Variants in MTERF1 observed in about 807,000 individuals in gnomAD.
MTERF1 encodes mitochondrial transcription termination factor 1, also known as transcription termination factor 1, mitochondrial.
In MTERF1, 29 loss-of-function variants were observed where a neutral mutation model predicts 31.6. The ratio of observed to expected loss-of-function variants is 0.92; its 90% CI spans 0.68 to 1.25. The LOEUF (loss-of-function observed/expected upper bound fraction) is 1.25. MTERF1 is among the 50% of genes most tolerant of loss of function. The pLI is 0.00. For synonymous variants in MTERF1, 152 were observed against 164.1 expected, an observed-to-expected ratio of 0.93 and a Z score of 0.57; for missense variants, 500 against 469.1, an observed-to-expected ratio of 1.07 and a Z score of -0.61.
chr7:91,876,124 T>C (rs570375066), intron 2 of MTERF1, among the ~76,000 whole-genome samples: 1 of 152,286 alleles, frequency 6.6e-6, no homozygotes, highest in Admixed American at 6.5e-5. Context: ...TCCTGATCAT[T>C]TGGAAATGGG....
rs1269653150 is a variant in MTERF1 at position 91,879,603 on chromosome 7, T to C, written c.29+452A>G. Among the ~76,000 whole-genome samples, 3 of 152,024 alleles carry C rather than the reference T, an allele frequency of 2.0e-5. No individual in the cohort carries two copies. In the East Asian group the frequency reaches 5.8e-4, roughly 29 times the overall value. ...CAAATTATCTTTATCTATTTTTCGG[T>C]TTCTAGTACCAAAAAAGTCACACTT... is the stretch of plus-strand genomic sequence containing the variant. On this transcript the variant is annotated intron_variant, in intron 2 of 2. Transcript: ENST00000351870.
At chr7:91,880,526 G>A (rs1029278752) in intron 1 of MTERF1, 131 bp downstream of exon 1, 14 of 190,876 alleles carry the variant, frequency 7.3e-5, no homozygotes, top group African/African-American at 3.1e-4. Context: ...ATTCCACACC[G>A]AAGGCTCTTT....
At position 91,874,118 on chromosome 7, in the gene MTERF1, C is replaced by T; in HGVS notation, c.676G>A (p.Gly226Ser). 3.7e-6 allele frequency: 6 copies of T among 1,614,014 alleles called. No homozygotes were observed. Among genetic ancestry groups the T allele is most frequent in the Non-Finnish European group, 2.5e-6 (3 of 1,179,990 alleles). The change falls in exon 3 of 3, where the codon GGT becomes AGT. Residue 226 changes from glycine (G) to serine (S), a missense_variant. Coordinates refer to ENST00000351870, the MANE Select transcript of MTERF1 (RefSeq NM_006980.5). ...ACAAAATCTGCGGGATCATTGTGAC[C>T]CAATGACAAACCGGCTGCCTGCAAA... is the stretch of plus-strand genomic sequence containing the variant. The part of the protein sequence containing the change: ...EFLQAAGLSL[G>S]HNDPADFVRK...
rs1789235708 is a variant in MTERF1, at chr7:91,873,504, T to C, written c.*90A>G. 1.5e-5 allele frequency: 17 copies of C among 1,129,072 alleles called. No individual in the cohort carries two copies. The highest frequency in any genetic ancestry group is 2.1e-5 in the Non-Finnish European group (17 of 810,996). 69.9% of individuals were successfully genotyped at this position (1,129,072 alleles called of 1,614,324 possible). ...AATCTCCCCATCTCAAGGCCCTTAA[T>C]AACATTTTAAATTAATCACTTCTGC... On this transcript the variant is annotated 3_prime_UTR_variant, in exon 3 of 3. Transcript: ENST00000351870.
intron 2 of MTERF1, among the ~76,000 whole-genome samples, chr7:91,878,349 C>T (rs571514002): frequency 2.6e-5 from 4 of 152,206 alleles, no homozygotes; most frequent in Non-Finnish European, 4.4e-5. Flanking sequence ...TAAATTTACT[C>T]TAAAAATGAC....
intron 2 of MTERF1, among the ~76,000 whole-genome samples, chr7:91,876,284 T>C (rs904406931): frequency 6.6e-6 from 1 of 152,270 alleles, no homozygotes; most frequent in African/African-American, 2.4e-5. Context: ...AAGCTACTTG[T>C]GCCTGAGTCA....
chr7:91,875,264 T>C (rs1183582255), intron 2 of MTERF1, among the ~76,000 whole-genome samples: 1 of 152,078 alleles, frequency 6.6e-6, no homozygotes, highest in East Asian at 1.9e-4. Context: ...AACTTTTTTT[T>C]TTTGACACAG....
In MTERF1 at chr7:91,872,312, A is replaced by C. The variant is rs1733838601; in HGVS notation, c.*1282T>G. ...TATTATAGCTATCACTGATTGCATC[A>C]TTACTATGTGCAAGAAACCTTAGAG... On this transcript the variant is annotated 3_prime_UTR_variant, in exon 3 of 3. Coordinates refer to ENST00000351870, the MANE Select transcript of MTERF1 (RefSeq NM_006980.5). The C allele has an allele frequency of 6.6e-6, 1 of 152,242 alleles. No individual in the cohort carries two copies. The highest frequency in any genetic ancestry group is 2.4e-5 in the African/African-American group (1 of 41,470). 9.4% of individuals were successfully genotyped at this position (152,242 alleles called of 1,614,324 possible). A position where few individuals can be genotyped will look rare whatever the true frequency, so the allele number is the denominator to read the frequency against.
intron 2 of MTERF1, among the ~76,000 whole-genome samples, chr7:91,876,291 G>A (rs1000064176): frequency 2.6e-5 from 4 of 152,196 alleles, no homozygotes; most frequent in Admixed American, 2.6e-4. Flanking sequence ...TTGTGCCTGA[G>A]TCATATAACA....
At chr7:91,880,582 T>TGCAAAG (rs1371513985) in intron 1 of MTERF1, 75 bp downstream of exon 1, 1 of 156,064 alleles carries the variant, frequency 6.4e-6, no homozygotes, top group African/African-American at 2.4e-5. Context: ...AGGGCTGCAC[T>TGCAAAG]GTACAGCAGT....
At chr7:91,880,339 C>G in intron 1 of MTERF1, 1 of 484,748 alleles carries the variant, frequency 2.1e-6, no homozygotes, top group East Asian at 3.5e-5. Context: ...TGTACCAAAG[C>G]TAAGTGCTTC....
rs1479409675 is a variant in MTERF1, at chr7:91,872,660, T to C, written c.*934A>G. On this transcript the variant is annotated 3_prime_UTR_variant, in exon 3 of 3. Transcript: ENST00000351870. Reference sequence around the variant, plus strand: ...AAAGGTTGAGCACCATTATGTTATTTAATTCAAAAACCACATCTAGAAAAC... The same window carrying C: ...AAAGGTTGAGCACCATTATGTTATTCAATTCAAAAACCACATCTAGAAAAC... The C allele has an allele frequency of 6.6e-6, 1 of 152,200 alleles. No individual in the cohort carries two copies. The highest frequency in any genetic ancestry group is 1.5e-5 in the Non-Finnish European group (1 of 68,030). The allele number at this position is 152,200 out of a possible 1,614,324, so 9.4% of individuals were successfully genotyped here.
chr7:91,877,001 A>G, intron 2 of MTERF1: 1 of 881,526 alleles, frequency 1.1e-6, no homozygotes, highest in Non-Finnish European at 1.4e-6. Context: ...AAGATGATAC[A>G]ATGGGATGGA....
intron 2 of MTERF1, among the ~76,000 whole-genome samples, chr7:91,877,232 T>C (rs904614567): frequency 4.6e-5 from 7 of 152,230 alleles, no homozygotes; most frequent in African/African-American, 1.7e-4. Flanking sequence ...ATTAGCATCA[T>C]GGTAAACAGG....
intron 2 of MTERF1, among the ~76,000 whole-genome samples, chr7:91,875,524 G>C (rs1789326092): frequency 6.6e-6 from 1 of 152,092 alleles, no homozygotes. Flanking sequence ...CAAAGTGCTG[G>C]GATTACAGGT....
At position 91,873,433 on chromosome 7, in the gene MTERF1, TA is replaced by T; in HGVS notation, c.*160del. 1 of 655,646 alleles carries T rather than the reference TA, an allele frequency of 1.5e-6. No individual in the cohort carries two copies. Among genetic ancestry groups the T allele is most frequent in the Non-Finnish European group, 2.5e-6 (1 of 400,900 alleles). The allele number at this position is 655,646 out of a possible 1,614,324, so 40.6% of individuals were successfully genotyped here. A position where few individuals can be genotyped will look rare whatever the true frequency, so the allele number is the denominator to read the frequency against. The stretch of plus-strand genomic sequence containing the variant: ...CTCTTTTGCCTCCCTCTTCAACTTT[TA>T]AAGATCCCTACAATTATATTAGGCC... On this transcript the variant is annotated 3_prime_UTR_variant, in exon 3 of 3. Coordinates refer to ENST00000351870, the MANE Select transcript of MTERF1 (RefSeq NM_006980.5).
rs950208490 is a variant in MTERF1, at chr7:91,870,930, T to C, written c.*2664A>G. 1 of 149,668 alleles carries C rather than the reference T, an allele frequency of 6.7e-6. No homozygotes were observed. The highest frequency in any genetic ancestry group is 2.5e-5 in the African/African-American group (1 of 40,708). 9.3% of individuals were successfully genotyped at this position (149,668 alleles called of 1,614,324 possible). On this transcript the variant is annotated 3_prime_UTR_variant, in exon 3 of 3. Coordinates refer to ENST00000351870, the MANE Select transcript of MTERF1 (RefSeq NM_006980.5). Reference sequence around the variant, plus strand: ...GTGCGCACCACTATGGCCGGCCTTTTTTTTTTTTTTTTTTTCCCTACTAGC... The same window carrying C: ...GTGCGCACCACTATGGCCGGCCTTTCTTTTTTTTTTTTTTTCCCTACTAGC...
rs1789170044 is a variant in MTERF1, at chr7:91,870,959, GAT to G, written c.*2633_*2634del. Reference sequence around the variant, plus strand: ...TTTTTTTTTTTTCCCTACTAGCAATGATATCTTGCTAGTATTACCCAGGCTGG... The same window carrying G: ...TTTTTTTTTTTTCCCTACTAGCAATGATCTTGCTAGTATTACCCAGGCTGG... On this transcript the variant is annotated 3_prime_UTR_variant, in exon 3 of 3. Transcript: ENST00000351870. The G allele has an allele frequency of 7.9e-6, 1 of 126,068 alleles. No individual in the cohort carries two copies. Among genetic ancestry groups the G allele is most frequent in the South Asian group, 2.7e-4 (1 of 3,706 alleles). 7.8% of individuals were successfully genotyped at this position (126,068 alleles called of 1,614,324 possible).
In MTERF1 at chr7:91,873,605, T is replaced by C. The variant is rs781464786; in HGVS notation, c.1189A>G (p.Arg397Gly). 1 of 1,602,928 alleles carries C rather than the reference T, an allele frequency of 6.2e-7. No homozygotes were observed. Among genetic ancestry groups the C allele is most frequent in the Non-Finnish European group, 8.5e-7 (1 of 1,175,618 alleles). The change falls in exon 3 of 3, where the codon AGA (arginine) becomes GGA (glycine). Residue 397 changes from arginine to glycine, a missense_variant. Physicochemically the swap from Arg to Gly is moderately radical, Grantham distance 125. Coordinates refer to ENST00000351870, the MANE Select transcript of MTERF1 (RefSeq NM_006980.5). ...AAACATTGGCATCCTTAGGCAAATC[T>C]GCTTAACTTTTTCAATTTAGCTTCA... ...RYEAKLKKLS[R>G]FA
Sources: gnomAD v4.1 joint callset for allele counts (sites outside exome capture counted in the v4.1 genomes callset) on GRCh38, gnomAD v4.1.1 for gene constraint, MANE v1.5 for transcripts, NCBI Gene and HGNC (gene_info 2026-07-23, HGNC 2026-07-21) for gene names.